The following PRDM5 variants were observed in gnomAD, a reference collection of about 807,000 sequenced individuals.
The protein encoded by PRDM5 is PR/SET domain 5.
Under a neutral mutation model 81.2 loss-of-function variants are expected in PRDM5, and 56 were observed. The observed-to-expected ratio is 0.69, with a 90% CI of 0.56 to 0.86. PRDM5 has a LOEUF of 0.86. Among genes scored for constraint, PRDM5 ranks in the 40% least tolerant of loss-of-function variants. The pLI, the probability that PRDM5 is intolerant of heterozygous loss-of-function variation, is 0.00. For missense variants in PRDM5, 697 were observed against 770.1 expected, an observed-to-expected ratio of 0.91 and a Z score of 1.12; for synonymous variants, 267 against 256.4, an observed-to-expected ratio of 1.04 and a Z score of -0.39.
intron 1 of PRDM5, among the ~76,000 whole-genome samples, chr4:120,919,312 G>A (rs1052741206): frequency 6.6e-6 from 1 of 152,194 alleles, no homozygotes; most frequent in Non-Finnish European, 1.5e-5. Flanking sequence ...AAAAGACCTT[G>A]TCTGTCTTGC....
At chr4:120,784,871 T>C in intron 11 of PRDM5, 127 bp downstream of exon 11, 1 of 680,138 alleles carries the variant, frequency 1.5e-6, no homozygotes. Context: ...TCGGTCTTTC[T>C]TATGTTTACA....
intron 11 of PRDM5, among the ~76,000 whole-genome samples, chr4:120,781,969 G>T (rs1028276485): frequency 6.6e-6 from 1 of 152,148 alleles, no homozygotes; most frequent in Non-Finnish European, 1.5e-5. Context: ...AGCCACCCTG[G>T]GTATTTCACT....
chr4:120,902,029 T>C (rs976643062), intron 2 of PRDM5, among the ~76,000 whole-genome samples: 7 of 152,348 alleles, frequency 4.6e-5, no homozygotes, highest in East Asian at 1.9e-4. Context: ...ACTGGAAATA[T>C]AGGACAACAC....
At chr4:120,775,522 A>C (rs751202129) in intron 13 of PRDM5, among the ~76,000 whole-genome samples, 17 of 152,156 alleles carry the variant, frequency 1.1e-4, no homozygotes, top group Non-Finnish European at 2.2e-4. Flanking sequence ...GCTATGTCTT[A>C]ATGCATTCTG....
intron 10 of PRDM5, among the ~76,000 whole-genome samples, chr4:120,785,457 C>T (rs778218183): frequency 2.6e-5 from 4 of 152,118 alleles, no homozygotes; most frequent in Non-Finnish European, 4.4e-5. Context: ...GGCTTTTACT[C>T]TGCTGGTACA....
chr4:120,815,037 G>T (rs1754306148), intron 7 of PRDM5, among the ~76,000 whole-genome samples: 1 of 152,172 alleles, frequency 6.6e-6, no homozygotes, highest in Admixed American at 6.5e-5. Flanking sequence ...AAGACAACAT[G>T]CCCAGTAATA....
chr4:120,822,249 T>A (rs1212577433), intron 3 of PRDM5, among the ~76,000 whole-genome samples: 1 of 152,204 alleles, frequency 6.6e-6, no homozygotes, highest in African/African-American at 2.4e-5. Context: ...ATTGCTCTCT[T>A]TTACATAGTT....
rs1206626551 is a variant in PRDM5 at position 120,785,172 on chromosome 4, T to C, written c.1189-81A>G. 7.4e-6 allele frequency: 8 copies of C among 1,087,782 alleles called. No individual in the cohort carries two copies. In the African/African-American group the frequency reaches 1.1e-4, roughly 15 times the overall value. The allele number at this position is 1,087,782 out of a possible 1,614,324, so 67.4% of individuals were successfully genotyped here. A position where few individuals can be genotyped will look rare whatever the true frequency, so the allele number is the denominator to read the frequency against. ...GAACGAGTGGAGCTTGGATTCATGA[T>C]GCGAAAGAGGAAAGAAGGGAAGGTG... On this transcript the variant is annotated intron_variant, in intron 10 of 15. Coordinates refer to ENST00000264808, the MANE Select transcript of PRDM5 (RefSeq NM_018699.4).
intron 14 of PRDM5, among the ~76,000 whole-genome samples, chr4:120,742,480 T>C (rs1315131742): frequency 6.6e-6 from 1 of 152,090 alleles, no homozygotes; most frequent in Non-Finnish European, 1.5e-5. Flanking sequence ...CAAATTACTC[T>C]GAGCTACAGG....
chr4:120,880,794 A>C (rs1377343650), intron 2 of PRDM5, among the ~76,000 whole-genome samples: 1 of 152,164 alleles, frequency 6.6e-6, no homozygotes, highest in Non-Finnish European at 1.5e-5. Flanking sequence ...TACATTGACA[A>C]AGCTGGTTCG....
chr4:120,863,045 C>T (rs570089145), intron 2 of PRDM5, among the ~76,000 whole-genome samples: 1 of 150,242 alleles, frequency 6.7e-6, no homozygotes, highest in Non-Finnish European at 1.5e-5. Flanking sequence ...TATAAACTGG[C>T]TACTTGGGAG....
chr4:120,756,172 G>A (rs1445907978), intron 13 of PRDM5, among the ~76,000 whole-genome samples: 1 of 152,160 alleles, frequency 6.6e-6, no homozygotes, highest in Non-Finnish European at 1.5e-5. Flanking sequence ...TTTTAACCCT[G>A]AGTTGATAAC....
chr4:120,834,876 C>G (rs908259520), intron 3 of PRDM5, among the ~76,000 whole-genome samples: 15 of 152,124 alleles, frequency 9.9e-5, no homozygotes, highest in African/African-American at 3.6e-4. Flanking sequence ...CTCAAGCCTG[C>G]CTGCCTTTGG....
rs182830684 is a variant in PRDM5 at position 120,902,085 on chromosome 4, T to G, written c.177+5389A>C. Among the ~76,000 whole-genome samples, 49 of 152,332 alleles carry G rather than the reference T, an allele frequency of 3.2e-4. No homozygotes were observed. In the East Asian group the frequency reaches 9.1e-3, roughly 28 times the overall value. ...AGGGCAGTTTCTACACAAAACCTGTTGCAAGCATCCCAGAGAATCACTTTT... is the reference window on the plus strand; with the variant it reads ...AGGGCAGTTTCTACACAAAACCTGTGGCAAGCATCCCAGAGAATCACTTTT... On this transcript the variant is annotated intron_variant, in intron 2 of 15. Coordinates refer to ENST00000264808, the MANE Select transcript of PRDM5 (RefSeq NM_018699.4).
rs1169716284 is a variant in PRDM5, at chr4:120,852,668, T to TAC, written c.300+748_300+749dup. ...CCCCTATTTTATATATACGTATATA[T>TAC]ACACACATACATAAACATATACATG... is the stretch of plus-strand genomic sequence containing the variant. On this transcript the variant is annotated intron_variant, in intron 3 of 15. Transcript: ENST00000264808. Among the ~76,000 whole-genome samples, 2 of 151,742 alleles carry TAC rather than the reference T, an allele frequency of 1.3e-5. 1 individual carries two copies. The highest frequency in any genetic ancestry group is 3.9e-4 in the East Asian group (2 of 5,192).
chr4:120,731,520 C>A (rs1172644914), intron 14 of PRDM5: 1 of 152,028 alleles, frequency 6.6e-6, no homozygotes, highest in Non-Finnish European at 1.5e-5. Flanking sequence ...GGAGAAAAAT[C>A]TGCTTTATAT....
chr4:120,836,830 C>A lies in PRDM5; in HGVS notation c.301-15485G>T, dbSNP rs138380011. On this transcript the variant is annotated intron_variant, in intron 3 of 15. Transcript: ENST00000264808. ...CAGCAAAATGGGAATATTACTACTA[C>A]TTTAGGGGGGGTTGTTAGAATTAAA... is the stretch of plus-strand genomic sequence containing the variant. Among the ~76,000 whole-genome samples the A allele has an allele frequency of 3.1e-4, 47 of 152,254 alleles. No homozygotes were observed. In the East Asian group the frequency reaches 7.0e-3, roughly 23 times the overall value.
At chr4:120,913,793 C>G (rs908823461) in intron 1 of PRDM5, among the ~76,000 whole-genome samples, 1 of 152,118 alleles carries the variant, frequency 6.6e-6, no homozygotes, top group Non-Finnish European at 1.5e-5. Flanking sequence ...GACTGAAAAC[C>G]AGGGAATCCC....
rs188260217 is a variant in PRDM5 at position 120,887,050 on chromosome 4, A to C, written c.177+20424T>G. 2.1e-4 allele frequency among the ~76,000 whole-genome samples: 32 copies of C among 150,968 alleles called. 1 individual carries two copies. In the East Asian group the frequency reaches 5.3e-3, roughly 25 times the overall value. On this transcript the variant is annotated intron_variant, in intron 2 of 15. Transcript: ENST00000264808. ...AACCTCCACTTCCTGGGTTCAAGCGATTTTCCTGCCTCAGCCTCCCAAGTA... is the reference window on the plus strand; with the variant it reads ...AACCTCCACTTCCTGGGTTCAAGCGCTTTTCCTGCCTCAGCCTCCCAAGTA...
Sources: allele counts gnomAD v4.1 joint callset (sites outside exome capture counted in the v4.1 genomes callset), GRCh38; gene constraint gnomAD v4.1.1; transcripts MANE v1.5; gene names NCBI Gene and HGNC (gene_info 2026-07-23, HGNC 2026-07-21).